The following ANKFN1 variants were observed in gnomAD, a reference collection of about 807,000 sequenced individuals.
The protein encoded by ANKFN1 is ankyrin repeat and fibronectin type-III domain-containing protein 1.
ANKFN1 carries 74 observed loss-of-function variants against 108.7 expected under a neutral mutation model. The ratio of observed to expected loss-of-function variants is 0.68; its 90% CI spans 0.56 to 0.83. The LOEUF (loss-of-function observed/expected upper bound fraction) is 0.83, where lower values mean the gene tolerates loss of function less well. ANKFN1 is among the 40% of genes least tolerant of loss of function. The pLI, the probability that ANKFN1 is intolerant of heterozygous loss-of-function variation, is 0.00. For synonymous variants in ANKFN1, 547 were observed against 516.2 expected, an observed-to-expected ratio of 1.06 and a Z score of -0.81; for missense variants, 1,505 against 1,382.3, an observed-to-expected ratio of 1.09 and a Z score of -1.41.
At chr17:56,200,290 G>A (rs185334840) in intron 1 of ANKFN1, among the ~76,000 whole-genome samples, 86 of 152,260 alleles carry the variant, frequency 5.6e-4, no homozygotes, top group African/African-American at 1.9e-3. Context: ...TCACTTCATC[G>A]TTTTATTATT....
chr17:56,123,837 C>T (rs1404590120), intron 4 of ANKFN1, among the ~76,000 whole-genome samples: 3 of 135,664 alleles, frequency 2.2e-5, no homozygotes, highest in Admixed American at 1.5e-4. Context: ...CAGAGAGAGA[C>T]ACAGAGAGAG....
chr17:56,180,460 C>T (rs1362159575), intron 1 of ANKFN1, among the ~76,000 whole-genome samples: 1 of 152,166 alleles, frequency 6.6e-6, no homozygotes, highest in African/African-American at 2.4e-5. Flanking sequence ...CAGGCATCCA[C>T]ATAACATTCA....
At chr17:56,065,248 T>C (rs1284089293) in intron 4 of ANKFN1, among the ~76,000 whole-genome samples, 1 of 152,188 alleles carries the variant, frequency 6.6e-6, no homozygotes, top group African/African-American at 2.4e-5. Context: ...CTTCACAGAA[T>C]TGAAGAGAGT....
chr17:56,313,023 T>C (rs2192213), intron 3 of ANKFN1, among the ~76,000 whole-genome samples: 59,686 of 151,472 alleles, frequency 0.39, 12,140 homozygotes, highest in East Asian at 0.53. Flanking sequence ...GGCATGGTGG[T>C]GGGCGCCTGT....
chr17:56,466,204 A>T, intron 14 of ANKFN1, 152 bp from the exon 15 acceptor site: 1 of 653,976 alleles, frequency 1.5e-6, no homozygotes, highest in East Asian at 2.7e-5. Context: ...CATGTCTATG[A>T]TGCCATATAT....
intron 19 of ANKFN1, among the ~76,000 whole-genome samples, chr17:56,495,275 C>A (rs544347756): frequency 2.0e-5 from 3 of 152,154 alleles, no homozygotes; most frequent in South Asian, 2.1e-4. Context: ...TGAGTGGAGA[C>A]AATTCAATAT....
chr17:56,496,928 T>A (rs1480793328), intron 19 of ANKFN1, among the ~76,000 whole-genome samples: 1 of 152,108 alleles, frequency 6.6e-6, no homozygotes, highest in Non-Finnish European at 1.5e-5. Context: ...TCTTACTTAA[T>A]CCTTATAATA....
chr17:56,136,542 CAG>C (rs551791557), intron 4 of ANKFN1, among the ~76,000 whole-genome samples: 207 of 152,062 alleles, frequency 1.4e-3, no homozygotes, highest in African/African-American at 4.8e-3. Context: ...GGGTTTTTGT[CAG>C]AGAGAGGAAA....
intron 10 of ANKFN1, among the ~76,000 whole-genome samples, chr17:56,443,523 C>G (rs1486616020): frequency 1.3e-5 from 2 of 152,166 alleles, no homozygotes; most frequent in East Asian, 1.9e-4. Context: ...CTCTCCTCTT[C>G]CCTTCCTCAC....
At position 56,113,965 on chromosome 17, in the gene ANKFN1, G is replaced by T. The variant is rs1019653618; in HGVS notation, c.288+67640G>T. On this transcript the variant is annotated intron_variant, in intron 4 of 12. Coordinates refer to the ANKFN1 transcript ENST00000635860. ...TGCAAACTAATTGGACGTCAGAACA[G>T]AAGAGGATCTTAGAGGCCATGGAAT... Among the ~76,000 whole-genome samples the T allele has an allele frequency of 2.0e-5, 3 of 152,132 alleles. No homozygotes were observed. The East Asian group carries it at 5.8e-4, about 29-fold the overall frequency.
intron 4 of ANKFN1, among the ~76,000 whole-genome samples, chr17:56,096,535 A>G (rs1008358872): frequency 2.0e-5 from 3 of 152,214 alleles, no homozygotes; most frequent in African/African-American, 7.2e-5. Flanking sequence ...ATGGTTTAGG[A>G]TAATGGAAGA....
chr17:56,503,897 T>C (rs1459730867), intron 20 of ANKFN1, among the ~76,000 whole-genome samples: 2 of 152,164 alleles, frequency 1.3e-5, no homozygotes, highest in African/African-American at 2.4e-5. Flanking sequence ...CTCAGGGAAA[T>C]TGAGGAGCAT....
chr17:56,401,722 T>C (rs1216224372), intron 8 of ANKFN1, among the ~76,000 whole-genome samples: 3 of 151,760 alleles, frequency 2.0e-5, no homozygotes, highest in Admixed American at 2.0e-4. Context: ...CAATTCTTCT[T>C]TGAATGTTGA....
rs911255693 is a variant in ANKFN1 at position 56,094,206 on chromosome 17, G to A, written c.288+47881G>A. 3.3e-5 allele frequency among the ~76,000 whole-genome samples: 5 copies of A among 151,082 alleles called. 1 individual carries two copies. The highest frequency in any genetic ancestry group is 7.4e-5 in the Non-Finnish European group (5 of 67,696). On this transcript the variant is annotated intron_variant, in intron 4 of 12. Transcript: ENST00000635860. Reference sequence around the variant, plus strand: ...AAGGAACCAACCCTGCCCACACCTTGATTTTGGACTTCTGGCCTCTAGAAC... The same window carrying A: ...AAGGAACCAACCCTGCCCACACCTTAATTTTGGACTTCTGGCCTCTAGAAC...
chr17:56,249,271 T>C (rs2043183475), intron 3 of ANKFN1, among the ~76,000 whole-genome samples: 1 of 151,914 alleles, frequency 6.6e-6, no homozygotes, highest in African/African-American at 2.4e-5. Context: ...TCATCTCTAC[T>C]AAAAGCACAA....
At chr17:56,163,783 A>G (rs1909898979) in intron 1 of ANKFN1, among the ~76,000 whole-genome samples, 1 of 152,222 alleles carries the variant, frequency 6.6e-6, no homozygotes. Context: ...ATGCCTGTGA[A>G]TATTAATCCA....
At chr17:56,501,209 G>A (rs1410162539) in intron 20 of ANKFN1, among the ~76,000 whole-genome samples, 1 of 152,216 alleles carries the variant, frequency 6.6e-6, no homozygotes, top group Admixed American at 6.5e-5. Flanking sequence ...AGACAGGGTA[G>A]AGAGCAAGAC....
chr17:56,211,411 G>A (rs763967261), intron 1 of ANKFN1, among the ~76,000 whole-genome samples: 28 of 152,148 alleles, frequency 1.8e-4, no homozygotes, highest in Non-Finnish European at 2.8e-4. Flanking sequence ...TCTGGTGAAC[G>A]TAAGTATTTA....
intron 4 of ANKFN1, among the ~76,000 whole-genome samples, chr17:56,134,108 A>G (rs1490299421): frequency 6.6e-6 from 1 of 152,192 alleles, no homozygotes; most frequent in Non-Finnish European, 1.5e-5. Flanking sequence ...AATGGCTCAC[A>G]GAACTCAGGG....
Sources: allele counts gnomAD v4.1 joint callset (sites outside exome capture counted in the v4.1 genomes callset), GRCh38; gene constraint gnomAD v4.1.1; transcripts MANE v1.5; gene names NCBI Gene and HGNC (gene_info 2026-07-23, HGNC 2026-07-21).